Variants in EP400 observed in about 807,000 individuals in gnomAD.
The protein encoded by EP400 is E1A-binding protein p400.
A neutral mutation model predicts 354.1 loss-of-function variants in EP400; 105 were observed. That is an observed-to-expected ratio of 0.30 (90% confidence interval 0.25 to 0.35). EP400 has a LOEUF of 0.35. Ranked by LOEUF, EP400 falls within the 10% of genes least tolerant of loss-of-function variation. The pLI is 1.00. For missense variants in EP400, 3,280 were observed against 4,121.0 expected (o/e 0.80, Z 5.59); for synonymous variants, 1,646 against 1,716.9 (o/e 0.96, Z 1.02).
chr12:132,039,637 T>C (rs1894830648), intron 32 of EP400, among the ~76,000 whole-genome samples: 1 of 152,250 alleles, frequency 6.6e-6, no homozygotes, highest in Non-Finnish European at 1.5e-5. Context: ...TCATTTCCTT[T>C]GCACAGAAAT....
rs774204540 is a variant in EP400 at position 132,069,612 on chromosome 12, G to A, written c.8992G>A (p.Gly2998Arg). The A allele has an allele frequency of 9.9e-6, 16 of 1,614,110 alleles. No individual in the cohort carries two copies. Among genetic ancestry groups the A allele is most frequent in the Admixed American group, 3.3e-5 (2 of 60,004 alleles). The change falls in exon 51 of 53, where the codon GGG (glycine) becomes AGG (arginine). Residue 2998 changes from glycine to arginine, a missense_variant. By Grantham distance (125) the Gly-to-Arg change is moderately radical. This residue lies in a region of EP400 where 279 missense variants were observed against 386.7 expected (regional missense o/e 0.72). Transcript: ENST00000389561. Reference protein sequence around the residue: ...TPISQAQKLAGAQQVQTQIQV... With the variant: ...TPISQAQKLARAQQVQTQIQV... ...CATCTCCCAGGCCCAGAAACTGGCCGGGGCCCAGCAAGTGCAGACCCAGAT... is the reference window on the plus strand; with the variant it reads ...CATCTCCCAGGCCCAGAAACTGGCCAGGGCCCAGCAAGTGCAGACCCAGAT...
Position 132,044,109 on chromosome 12 carries a change from G to GC in EP400, c.6451-67dup, listed in dbSNP as rs1895003310. On this transcript the variant is annotated intron_variant, in intron 34 of 52. Transcript: ENST00000389561. ...CTCTGAGACAACAGGGAAACCTGGA[G>GC]CAGGGACTCGGGGGCTGCTCTGAGC... 6.9e-6 allele frequency: 11 copies of GC among 1,584,234 alleles called. No homozygotes were observed. In the Admixed American group the frequency reaches 1.9e-4, roughly 28 times the overall value.
At chr12:131,957,579 C>CTTTATTTATTTA (rs145207337) in intron 1 of EP400, among the ~76,000 whole-genome samples, 1 of 140,414 alleles carries the variant, frequency 7.1e-6, no homozygotes, top group African/African-American at 2.6e-5. Flanking sequence ...TATAAAAATG[C>CTTTATTTATTTA]TTTATTTATT....
chr12:132,032,515 C>T (rs1004519166), intron 30 of EP400, among the ~76,000 whole-genome samples: 7 of 151,506 alleles, frequency 4.6e-5, no homozygotes, highest in South Asian at 4.2e-4. Flanking sequence ...CTTAAAAGTA[C>T]GATTTAGATT....
At chr12:131,950,617 G>A (rs1891438868) in intron 1 of EP400, among the ~76,000 whole-genome samples, 1 of 152,220 alleles carries the variant, frequency 6.6e-6, no homozygotes, top group South Asian at 2.1e-4. Context: ...GCGTAGACCT[G>A]CCCGGTCCTC....
chr12:132,033,352 G>A lies in EP400; in HGVS notation c.5951+1203G>A, dbSNP rs544250770. ...AAATTTCTAAGTGCTTACTGTTACA[G>A]TGTAATAGTAGATTTACTTCTTCTG... On this transcript the variant is annotated intron_variant, in intron 30 of 52. Coordinates refer to ENST00000389561, the MANE Select transcript of EP400 (RefSeq NM_015409.5). Among the ~76,000 whole-genome samples, 63 of 152,326 alleles carry A rather than the reference G, an allele frequency of 4.1e-4. 1 individual carries two copies. Among genetic ancestry groups the A allele is most frequent in the African/African-American group, 1.4e-3 (58 of 41,572 alleles).
rs752387131 is a variant in EP400 at position 131,965,352 on chromosome 12, T to A, written c.1335+3398T>A. Among the ~76,000 whole-genome samples the A allele has an allele frequency of 1.6e-4, 24 of 152,254 alleles. 1 individual carries two copies. The highest frequency in any genetic ancestry group is 1.0e-4 in the Non-Finnish European group (7 of 68,046). ...ACTTTTACCCACTAGTTCTAGCATC[T>A]GTTGGTGAGTCTTGCCTGAATCAGT... is the stretch of plus-strand genomic sequence containing the variant. On this transcript the variant is annotated intron_variant, in intron 2 of 52. Coordinates refer to ENST00000389561, the MANE Select transcript of EP400 (RefSeq NM_015409.5).
intron 1 of EP400, among the ~76,000 whole-genome samples, chr12:131,952,714 C>T (rs367579950): frequency 1.3e-5 from 2 of 152,160 alleles, no homozygotes; most frequent in East Asian, 1.9e-4. Context: ...AGTCTCCCAC[C>T]GTGTTGGAAT....
Position 131,960,877 on chromosome 12 carries a change from C to T in EP400, c.258C>T (p.Asn86=). Residue 86 remains asparagine, a synonymous_variant, in exon 2 of 53, where the codon AAC becomes AAT. Coordinates refer to ENST00000389561, the MANE Select transcript of EP400 (RefSeq NM_015409.5). Reference sequence around the variant, plus strand: ...GCGTGGGCCCTGTCGTCGGGGGAAACCAGCAGATCACACTGGCCCCACTGC... The same window carrying T: ...GCGTGGGCCCTGTCGTCGGGGGAAATCAGCAGATCACACTGGCCCCACTGC... The part of the protein sequence containing the change: ...LQSVGPVVGG[N]QQITLAPLPL... 3 of 1,614,028 alleles carry T rather than the reference C, an allele frequency of 1.9e-6. No homozygotes were observed. The highest frequency in any genetic ancestry group is 2.5e-6 in the Non-Finnish European group (3 of 1,180,026).
Position 132,067,539 on chromosome 12 carries a change from C to G in EP400, c.8874+53C>G. The G allele has an allele frequency of 6.3e-7, 1 of 1,582,732 alleles. No homozygotes were observed. The highest frequency in any genetic ancestry group is 2.2e-5 in the East Asian group (1 of 44,514). On this transcript the variant is annotated intron_variant, in intron 50 of 52. Transcript: ENST00000389561. The surrounding 1 kb of genome is among the most constrained non-coding windows in gnomAD (Gnocchi z 5.3). ...TGGGTCTATGCCAAGCCAAAGCTGGCTGCTGGAGGAGAGGGTCCTAAGCAG... is the reference window on the plus strand; with the variant it reads ...TGGGTCTATGCCAAGCCAAAGCTGGGTGCTGGAGGAGAGGGTCCTAAGCAG...
chr12:132,006,873 C>G lies in EP400; in HGVS notation c.3300C>G (p.Asn1100Lys), dbSNP rs755616754. ...CTTTTTTTGCCCACCTAGCTTGTAACGAAGGTAAGAGTTTGCTAGTTTTTT... is the reference window on the plus strand; with the variant it reads ...CTTTTTTTGCCCACCTAGCTTGTAAGGAAGGTAAGAGTTTGCTAGTTTTTT... ...IIAFFAHLACNEGNWGPHLVV... is the reference protein window; with the variant it reads ...IIAFFAHLACKEGNWGPHLVV... Residue 1100 changes from asparagine (N) to lysine (K), a missense_variant, in exon 15 of 53, where the codon AAC (asparagine) becomes AAG (lysine). By Grantham distance (94) the Asn-to-Lys change is moderately conservative. This residue lies in a region of EP400 where 242 missense variants were observed against 357.9 expected (regional missense o/e 0.68). Coordinates refer to ENST00000389561, the MANE Select transcript of EP400 (RefSeq NM_015409.5). The G allele has an allele frequency of 1.2e-6, 2 of 1,613,672 alleles. No homozygotes were observed. The highest frequency in any genetic ancestry group is 1.7e-6 in the Non-Finnish European group (2 of 1,179,954).
At chr12:131,972,612 G>A (rs1456209728) in intron 2 of EP400, among the ~76,000 whole-genome samples, 2 of 151,724 alleles carry the variant, frequency 1.3e-5, no homozygotes, top group East Asian at 1.9e-4. Context: ...ATACAGACAG[G>A]CACGCATTTA....
chr12:131,968,786 T>C (rs1263406996), intron 2 of EP400, among the ~76,000 whole-genome samples: 1 of 152,220 alleles, frequency 6.6e-6, no homozygotes. Flanking sequence ...ATATATTTTC[T>C]TAGGTTTATA....
At chr12:131,972,714 C>A (rs1892334693) in intron 2 of EP400, among the ~76,000 whole-genome samples, 1 of 150,392 alleles carries the variant, frequency 6.6e-6, no homozygotes, top group African/African-American at 2.5e-5. Flanking sequence ...ATTTTATCAC[C>A]CTAACACAAC....
At chr12:132,064,641 A>C in intron 47 of EP400, 27 bp from the exon 48 acceptor site, 1 of 1,604,312 alleles carries the variant, frequency 6.2e-7, no homozygotes, top group South Asian at 1.1e-5. Context: ...TTAATGTTGA[A>C]GAGAAGATAC....
chr12:132,061,535 C>T (rs1217319630), intron 45 of EP400, among the ~76,000 whole-genome samples: 1 of 152,182 alleles, frequency 6.6e-6, no homozygotes, highest in East Asian at 1.9e-4. Context: ...TATGGTGGGA[C>T]AAGGAAGGAC....
Position 132,018,144 on chromosome 12 carries a change from G to A in EP400, c.4111-66G>A, listed in dbSNP as rs1894006689. 6.3e-7 allele frequency: 1 copy of A among 1,591,350 alleles called. No individual in the cohort carries two copies. The highest frequency in any genetic ancestry group is 1.9e-5 in the Admixed American group (1 of 53,632). On this transcript the variant is annotated intron_variant, in intron 20 of 52. Coordinates refer to ENST00000389561, the MANE Select transcript of EP400 (RefSeq NM_015409.5). This position sits in a 1 kb window ranked among gnomAD's most constrained non-coding sequence, Gnocchi z 4.0. ...CGTTAGGGCCCTGCCATAGAAATCA[G>A]TTTTGATTCTTAGGTGCTTTTTTTG...
chr12:131,967,601 A>C (rs1050912730), intron 2 of EP400, among the ~76,000 whole-genome samples: 3 of 151,650 alleles, frequency 2.0e-5, no homozygotes, highest in African/African-American at 7.3e-5. Context: ...GAGGCAGGAA[A>C]ATCTCTTGAA....
rs908819802 is a variant in EP400, at chr12:132,054,633, G to A, written c.7729-341G>A. ...AGGCCCTGAGCTTGGCTGATATGGG[G>A]GCCAGAAAGCTCAGTGTGGCTGGAC... On this transcript the variant is annotated intron_variant, in intron 43 of 52. Transcript: ENST00000389561. The surrounding 1 kb of genome is among the most constrained non-coding windows in gnomAD (Gnocchi z 4.0). Among the ~76,000 whole-genome samples the A allele has an allele frequency of 2.6e-5, 4 of 152,160 alleles. No homozygotes were observed. Among genetic ancestry groups the A allele is most frequent in the African/African-American group, 9.7e-5 (4 of 41,442 alleles).
Sources: gnomAD v4.1 joint callset for allele counts (sites outside exome capture counted in the v4.1 genomes callset) on GRCh38, gnomAD v4.1.1 for gene constraint, gnomAD v4.1.1 regional missense constraint, Gnocchi (gnomAD v3.1) non-coding constraint, MANE v1.5 for transcripts, NCBI Gene and HGNC (gene_info 2026-07-23, HGNC 2026-07-21) for gene names.